Variants in ZNF343 observed in about 807,000 individuals in gnomAD.
ZNF343 encodes zinc finger protein 343.
A neutral mutation model predicts 13.8 loss-of-function variants in ZNF343; 11 were observed. The ratio of observed to expected loss-of-function variants is 0.80; its 90% CI spans 0.50 to 1.32. The LOEUF is 1.32. ZNF343 is among the 40% of genes most tolerant of loss of function. The pLI, the probability that ZNF343 is intolerant of heterozygous loss-of-function variation, is 0.00. For missense variants in ZNF343, 658 were observed against 714.2 expected, an observed-to-expected ratio of 0.92 and a Z score of 0.90; for synonymous variants, 248 against 260.0, an observed-to-expected ratio of 0.95 and a Z score of 0.44.
At chr20:2,522,213 G>T (rs2085785601) in intron 1 of ZNF343, among the ~76,000 whole-genome samples, 2 of 152,140 alleles carry the variant, frequency 1.3e-5, no homozygotes, top group Non-Finnish European at 2.9e-5. Context: ...CTGACTACAT[G>T]GAGTCTAATT....
chr20:2,485,335 GA>G (rs964977850), intron 5 of ZNF343, among the ~76,000 whole-genome samples: 2 of 152,084 alleles, frequency 1.3e-5, no homozygotes, highest in Non-Finnish European at 2.9e-5. Context: ...TCAGTAAAAA[GA>G]AAAACTTTTC....
intron 5 of ZNF343, among the ~76,000 whole-genome samples, chr20:2,486,067 C>A (rs1424418344): frequency 2.6e-5 from 4 of 152,152 alleles, no homozygotes; most frequent in Non-Finnish European, 4.4e-5. Flanking sequence ...GACTGTGATT[C>A]GCTGCCATCT....
chr20:2,517,026 AACTC>A (rs2085762246), intron 1 of ZNF343, among the ~76,000 whole-genome samples: 1 of 152,228 alleles, frequency 6.6e-6, no homozygotes, highest in Admixed American at 6.5e-5. Flanking sequence ...TATCTAAGGT[AACTC>A]ACTATGGTGA....
In ZNF343 at chr20:2,499,193, C is replaced by T. The variant is rs143017499; in HGVS notation, c.-150+1463G>A. ...ATAAGAAATGGCCCTCTTCCGGGCGCGGTGGCTCACGCCTGTAATCCCAGC... is the reference window on the plus strand; with the variant it reads ...ATAAGAAATGGCCCTCTTCCGGGCGTGGTGGCTCACGCCTGTAATCCCAGC... On this transcript the variant is annotated intron_variant, in intron 2 of 5. Coordinates refer to ENST00000278772, the MANE Select transcript of ZNF343 (RefSeq NM_024325.6). Among the ~76,000 whole-genome samples the T allele has an allele frequency of 3.8e-3, 555 of 144,188 alleles. 4 individuals are homozygous for T. The highest frequency in any genetic ancestry group is 6.2e-3 in the Non-Finnish European group (411 of 66,726). 94.6% of individuals were successfully genotyped at this position (144,188 alleles called of 152,430 possible). A position where few individuals can be genotyped will look rare whatever the true frequency, so the allele number is the denominator to read the frequency against.
upstream of ZNF343, among the ~76,000 whole-genome samples, chr20:2,510,440 T>C (rs1011907214): frequency 1.1e-4 from 16 of 152,242 alleles, no homozygotes; most frequent in African/African-American, 3.9e-4. Flanking sequence ...GCAGGAGATT[T>C]TGTTTTTATT....
At chr20:2,507,157 G>A (rs1396373422) in intron 1 of ZNF343, among the ~76,000 whole-genome samples, 5 of 151,570 alleles carry the variant, frequency 3.3e-5, no homozygotes, top group African/African-American at 9.7e-5. Context: ...CCAGCTACTC[G>A]GGATGCTGAG....
At chr20:2,512,001 G>C (rs2085741211), upstream of ZNF343, among the ~76,000 whole-genome samples, 1 of 152,172 alleles carries the variant, frequency 6.6e-6, no homozygotes, top group South Asian at 2.1e-4. Flanking sequence ...ATGTGATCTT[G>C]TATATAGTAA....
At chr20:2,512,919 C>CAA (rs71193970), upstream of ZNF343, among the ~76,000 whole-genome samples, 1 of 125,356 alleles carries the variant, frequency 8.0e-6, no homozygotes. Context: ...ATTTCTCTAC[C>CAA]AAAAAAAAAA....
At chr20:2,487,959 G>C (rs371043487) in intron 5 of ZNF343, among the ~76,000 whole-genome samples, 9 of 152,250 alleles carry the variant, frequency 5.9e-5, no homozygotes, top group East Asian at 1.9e-4. Flanking sequence ...ATTTTATTTT[G>C]TGAATCGTCT....
upstream of ZNF343, among the ~76,000 whole-genome samples, chr20:2,510,104 T>C (rs6132730): frequency 0.17 from 26,355 of 152,194 alleles, 2,410 homozygotes; most frequent in East Asian, 0.23. Flanking sequence ...TTGTCACAGA[T>C]AAAAGTTTTA....
chr20:2,520,384 G>C (rs905613653), intron 1 of ZNF343, among the ~76,000 whole-genome samples: 1 of 152,078 alleles, frequency 6.6e-6, no homozygotes, highest in Non-Finnish European at 1.5e-5. Flanking sequence ...TATAATCCCA[G>C]CACTTTAGGA....
chr20:2,517,598 C>T (rs1452824941), intron 1 of ZNF343, among the ~76,000 whole-genome samples: 2 of 151,664 alleles, frequency 1.3e-5, no homozygotes, highest in East Asian at 3.9e-4. Flanking sequence ...ACCTCCTGGG[C>T]TCAAGCAGTC....
chr20:2,490,345 G>A (rs2085346694), intron 5 of ZNF343, among the ~76,000 whole-genome samples: 1 of 151,926 alleles, frequency 6.6e-6, no homozygotes, highest in Non-Finnish European at 1.5e-5. Context: ...AAAGAAGGAA[G>A]GGAATAGCCC....
In ZNF343 at chr20:2,518,505, G is replaced by T. The variant is rs969463080; in HGVS notation, c.-347+5950C>A. On this transcript the variant is annotated intron_variant, in intron 1 of 6. Transcript: ENST00000358413. The surrounding 1 kb of genome is among the most constrained non-coding windows in gnomAD (Gnocchi z 4.6). ...GTCAAATAATCTTTTGTACTCCAAA[G>T]TACTCCAAAATACACAATAGTACTC... Among the ~76,000 whole-genome samples the T allele has an allele frequency of 1.3e-5, 2 of 151,380 alleles. No homozygotes were observed. Among genetic ancestry groups the T allele is most frequent in the Non-Finnish European group, 2.9e-5 (2 of 68,024 alleles).
At position 2,493,880 on chromosome 20, in the gene ZNF343, G is replaced by A. The variant is rs775121233; in HGVS notation, c.16C>T (p.Pro6Ser). 3.1e-6 allele frequency: 5 copies of A among 1,613,128 alleles called. No homozygotes were observed. The highest frequency in any genetic ancestry group is 4.2e-6 in the Non-Finnish European group (5 of 1,179,230). The change falls in exon 3 of 6, where the codon CCT becomes TCT. Residue 6 changes from proline (P) to serine (S), a missense_variant. Coordinates refer to ENST00000278772, the MANE Select transcript of ZNF343 (RefSeq NM_024325.6). MMLPYPSALGDQYWEE... is the reference protein window; with the variant it reads MMLPYSSALGDQYWEE... ...CAGTATTGATCTCCCAGTGCTGAAG[G>A]ATAAGGCAACATCATGGCGCCAGAG...
intron 1 of ZNF343, among the ~76,000 whole-genome samples, chr20:2,523,728 T>C: frequency 7.3e-6 from 1 of 136,122 alleles, no homozygotes; most frequent in Admixed American, 8.5e-5. Flanking sequence ...TGGCCTGGGC[T>C]AGGATGCAAT....
At chr20:2,489,619 C>T (rs6114523) in intron 5 of ZNF343, among the ~76,000 whole-genome samples, 1,941 of 152,218 alleles carry the variant, frequency 0.013, 48 homozygotes, top group African/African-American at 0.043. Flanking sequence ...TTGCTTGGAT[C>T]CCAGAACCAA....
chr20:2,483,412 T>G lies in ZNF343; in HGVS notation c.1549A>C (p.Asn517His), dbSNP rs775210289. 1 of 1,549,744 alleles carries G rather than the reference T, an allele frequency of 6.5e-7. No individual in the cohort carries two copies. Among genetic ancestry groups the G allele is most frequent in the East Asian group, 2.4e-5 (1 of 41,216 alleles). Residue 517 changes from asparagine (N) to histidine (H), a missense_variant, in exon 6 of 6, where the codon AAT (asparagine) becomes CAT (histidine). Asn to His is a moderately conservative substitution (Grantham distance 68). Coordinates refer to ENST00000278772, the MANE Select transcript of ZNF343 (RefSeq NM_024325.6). Reference protein sequence around the residue: ...NLIRHQRTHSNEKPYICRECG... With the variant: ...NLIRHQRTHSHEKPYICRECG... ...TCCCTGCAAATATAAGGCTTCTCATTTGAGTGCGTCCTCTGGTGTCTGATG... is the reference window on the plus strand; with the variant it reads ...TCCCTGCAAATATAAGGCTTCTCATGTGAGTGCGTCCTCTGGTGTCTGATG...
At chr20:2,502,066 A>G (rs942344252) in intron 1 of ZNF343, among the ~76,000 whole-genome samples, 1 of 152,226 alleles carries the variant, frequency 6.6e-6, no homozygotes, top group Non-Finnish European at 1.5e-5. Context: ...AAACCTTGAA[A>G]AAAAATTAGA....
Sources: gnomAD v4.1 joint callset for allele counts (sites outside exome capture counted in the v4.1 genomes callset) on GRCh38, gnomAD v4.1.1 for gene constraint, Gnocchi (gnomAD v3.1) non-coding constraint, MANE v1.5 for transcripts, NCBI Gene and HGNC (gene_info 2026-07-23, HGNC 2026-07-21) for gene names.